Variants in LAMA1 observed in about 807,000 individuals in gnomAD.
LAMA1 encodes the protein laminin subunit alpha 1, also known as laminin subunit alpha-1.
A neutral mutation model predicts 348.7 loss-of-function variants in LAMA1; 219 were observed. The observed-to-expected ratio is 0.63, with a 90% CI of 0.56 to 0.70. The LOEUF (loss-of-function observed/expected upper bound fraction) is 0.70. LAMA1 is among the 30% of genes least tolerant of loss of function. The pLI is 0.00. For missense variants in LAMA1, 3,744 were observed against 3,888.0 expected (o/e 0.96, Z 0.99); for synonymous variants, 1,487 against 1,491.0 (o/e 1.00, Z 0.06).
rs767106433 is a variant in LAMA1, at chr18:6,943,229, C to T, written c.9018G>A (p.Gln3006=). ...NAVGAESPHT[Q]STSVDTNNPI... Reference sequence around the variant, plus strand: ...GATTGTTGGTGTCCACTGAGGTAGACTGGGTGTGTGGACTTTCAGCGCCAA... The same window carrying T: ...GATTGTTGGTGTCCACTGAGGTAGATTGGGTGTGTGGACTTTCAGCGCCAA... The change falls in exon 62 of 63, where the codon CAG becomes CAA. Residue 3006 remains glutamine (Q), a synonymous_variant. Coordinates refer to ENST00000389658, the MANE Select transcript of LAMA1 (RefSeq NM_005559.4). 8.1e-6 allele frequency: 13 copies of T among 1,614,082 alleles called. 1 individual carries two copies. In the East Asian group the frequency reaches 2.9e-4, roughly 36 times the overall value.
intron 14 of LAMA1, among the ~76,000 whole-genome samples, chr18:7,033,511 A>T (rs1007212977): frequency 5.9e-5 from 9 of 152,008 alleles, no homozygotes; most frequent in African/African-American, 2.2e-4. Flanking sequence ...TTTTGTAAAT[A>T]ACTAAAGGTC....
At chr18:6,958,392 A>T in intron 55 of LAMA1, 85 bp downstream of exon 55, 2 of 1,435,680 alleles carry the variant, frequency 1.4e-6, no homozygotes, top group Non-Finnish European at 2.0e-6. Flanking sequence ...AATCTCAAAC[A>T]GTACAATGAG....
rs1055223563 is a variant in LAMA1 at position 7,032,459 on chromosome 18, G to A, written c.2164-283C>T. On this transcript the variant is annotated intron_variant, in intron 15 of 62. Transcript: ENST00000389658. ...GCAATGAGTCTTACGGCCTATTCTT[G>A]TTATGGTATTAATATCAATATGTTT... Among the ~76,000 whole-genome samples, 10 of 152,136 alleles carry A rather than the reference G, an allele frequency of 6.6e-5. No individual in the cohort carries two copies. In the East Asian group the frequency reaches 1.7e-3, roughly 26 times the overall value.
At chr18:7,112,794 C>A (rs1487084855) in intron 1 of LAMA1, among the ~76,000 whole-genome samples, 1 of 151,912 alleles carries the variant, frequency 6.6e-6, no homozygotes, top group African/African-American at 2.4e-5. Context: ...CACCACCACG[C>A]CTGGCTAATT....
At chr18:6,987,982 T>C (rs648404) in intron 36 of LAMA1, among the ~76,000 whole-genome samples, 98,721 of 151,900 alleles carry the variant, frequency 0.65, 32,309 homozygotes, top group East Asian at 0.8. Flanking sequence ...GGCATGGTGG[T>C]GCGTGCCTGT....
At position 7,018,637 on chromosome 18, in the gene LAMA1, T is replaced by C. The variant is rs555151693; in HGVS notation, c.2702-1253A>G. On this transcript the variant is annotated intron_variant, in intron 19 of 62. Transcript: ENST00000389658. ...GTCTCGATCTCCTGACCTTGTGATC[T>C]GCCCGCCTCGGCCTTCCAAAGTGCT... 2.1e-3 allele frequency among the ~76,000 whole-genome samples: 314 copies of C among 152,152 alleles called. 1 individual carries two copies. Among genetic ancestry groups the C allele is most frequent in the Non-Finnish European group, 3.9e-3 (266 of 67,992 alleles).
At chr18:7,041,378 C>T (rs1457084304) in intron 9 of LAMA1, among the ~76,000 whole-genome samples, 2 of 136,182 alleles carry the variant, frequency 1.5e-5, no homozygotes, top group Non-Finnish European at 3.0e-5. Flanking sequence ...TCACCATCAT[C>T]ATCTTCATTA....
chr18:7,116,785 TTTTC>T lies in LAMA1; in HGVS notation c.61+871_61+874del, dbSNP rs758660748. 8.5e-4 allele frequency among the ~76,000 whole-genome samples: 129 copies of T among 151,992 alleles called. 1 individual carries two copies. The highest frequency in any genetic ancestry group is 1.1e-3 in the Non-Finnish European group (75 of 68,014). ...AAAGGGAAAAGAATTCTTTCTTTCT[TTTTC>T]TTTCTTTCTCTCTCTTTCTTTTCTC... On this transcript the variant is annotated intron_variant, in intron 1 of 62. Transcript: ENST00000389658.
intron 39 of LAMA1, 69 bp from the exon 40 acceptor site, chr18:6,983,303 T>C: frequency 6.5e-7 from 1 of 1,537,080 alleles, no homozygotes. Context: ...CTCACAAAAA[T>C]CATAAATGCC....
intron 22 of LAMA1, 67 bp downstream of exon 22, chr18:7,015,655 A>G: frequency 2.5e-6 from 4 of 1,583,054 alleles, no homozygotes; most frequent in Non-Finnish European, 3.5e-6. Flanking sequence ...ATATAGAAGA[A>G]CAGGCCTGAA....
intron 23 of LAMA1, among the ~76,000 whole-genome samples, chr18:7,012,605 A>C (rs1244872557): frequency 1.3e-5 from 2 of 150,706 alleles, no homozygotes; most frequent in Non-Finnish European, 1.5e-5. Context: ...CCCCGGGTTC[A>C]AGCGATTCTC....
At chr18:6,989,140 G>A (rs2057748312) in intron 36 of LAMA1, among the ~76,000 whole-genome samples, 1 of 152,182 alleles carries the variant, frequency 6.6e-6, no homozygotes, top group Admixed American at 6.5e-5. Context: ...CCTGGATACT[G>A]CATCTCTGAC....
intron 42 of LAMA1, among the ~76,000 whole-genome samples, chr18:6,979,382 A>G (rs2057697909): frequency 6.6e-6 from 1 of 152,082 alleles, no homozygotes. Flanking sequence ...TAAGAAAAAA[A>G]GGAGGACAGG....
At chr18:6,977,050 A>G in intron 44 of LAMA1, among the ~76,000 whole-genome samples, 1 of 152,246 alleles carries the variant, frequency 6.6e-6, no homozygotes, top group East Asian at 1.9e-4. Flanking sequence ...AGAAAGCCTC[A>G]GGTGGACAAA....
intron 1 of LAMA1, among the ~76,000 whole-genome samples, chr18:7,085,910 T>G (rs2058215459): frequency 6.6e-6 from 1 of 152,186 alleles, no homozygotes; most frequent in Non-Finnish European, 1.5e-5. Flanking sequence ...CTGGAACTAT[T>G]TAATAATATT....
intron 61 of LAMA1, among the ~76,000 whole-genome samples, chr18:6,943,686 T>C (rs1479816270): frequency 6.6e-6 from 1 of 151,682 alleles, no homozygotes; most frequent in Non-Finnish European, 1.5e-5. Context: ...CTGTCTCTAC[T>C]AAAAACACAA....
At chr18:7,096,676 C>G (rs1194518226) in intron 1 of LAMA1, among the ~76,000 whole-genome samples, 1 of 152,098 alleles carries the variant, frequency 6.6e-6, no homozygotes, top group Non-Finnish European at 1.5e-5. Context: ...ATCTCTCCCC[C>G]ACCCCATTCC....
intron 19 of LAMA1, 41 bp from the exon 20 acceptor site, chr18:7,017,425 G>T: frequency 7.1e-7 from 1 of 1,401,668 alleles, no homozygotes; most frequent in Non-Finnish European, 1.0e-6. Context: ...CCTCACTTCT[G>T]AGGATGGTTA....
chr18:6,982,638 G>T, intron 40 of LAMA1, 48 bp from the exon 41 acceptor site: 1 of 1,476,804 alleles, frequency 6.8e-7, no homozygotes, highest in Non-Finnish European at 9.5e-7. Flanking sequence ...GCAGGGTGGA[G>T]TCCTGCTGGG....
Sources: gnomAD v4.1 joint callset for allele counts (sites outside exome capture counted in the v4.1 genomes callset) on GRCh38, gnomAD v4.1.1 for gene constraint, MANE v1.5 for transcripts, NCBI Gene and HGNC (gene_info 2026-07-23, HGNC 2026-07-21) for gene names.